The following LAPTM5 variants were observed in gnomAD, a reference collection of about 807,000 sequenced individuals.
LAPTM5 encodes lysosomal-associated transmembrane protein 5.
LAPTM5 carries 11 observed loss-of-function variants against 30.1 expected under a neutral mutation model. That is an observed-to-expected ratio of 0.37 (90% CI 0.23 to 0.60). The LOEUF is 0.60. Among genes scored for constraint, LAPTM5 ranks in the 20% least tolerant of loss-of-function variants. The pLI, the probability that LAPTM5 is intolerant of heterozygous loss-of-function variation, is 0.71. For missense variants in LAPTM5, 324 were observed against 332.5 expected (o/e 0.97, Z 0.20); for synonymous variants, 151 against 137.9 (o/e 1.10, Z -0.67).
intron 2 of LAPTM5, 136 bp from the exon 3 acceptor site, chr1:30,741,852 A>G: frequency 1.7e-6 from 1 of 574,558 alleles, no homozygotes; most frequent in Non-Finnish European, 3.1e-6. Context: ...GCCCTCTTGC[A>G]GTCCTGAGTC....
intron 1 of LAPTM5, among the ~76,000 whole-genome samples, 190 bp downstream of exon 1, chr1:30,757,469 G>C (rs1569881487): frequency 6.6e-6 from 1 of 152,268 alleles, no homozygotes; most frequent in East Asian, 1.9e-4. Context: ...CATCTCCCCA[G>C]GGTACCCCCA....
chr1:30,738,789 G>C, intron 5 of LAPTM5, 151 bp downstream of exon 5: 1 of 839,004 alleles, frequency 1.2e-6, no homozygotes, highest in East Asian at 3.0e-5. Context: ...TCCTGAGAGG[G>C]CTCCCTCAAT....
chr1:30,737,734 G>T, intron 5 of LAPTM5, 35 bp from the exon 6 acceptor site: 3 of 1,397,506 alleles, frequency 2.1e-6, no homozygotes, highest in Non-Finnish European at 3.0e-6. Flanking sequence ...CAATGTCTCT[G>T]GACATAAGGA....
intron 2 of LAPTM5, 46 bp from the exon 3 acceptor site, chr1:30,741,762 AC>A: frequency 6.8e-7 from 1 of 1,465,646 alleles, no homozygotes; most frequent in Non-Finnish European, 9.3e-7. Context: ...TGCCCCTGGG[AC>A]CCCAGCCAGG....
At chr1:30,756,169 C>T (rs765427872) in intron 1 of LAPTM5, among the ~76,000 whole-genome samples, 39 of 152,228 alleles carry the variant, frequency 2.6e-4, no homozygotes, top group Non-Finnish European at 4.7e-4. Flanking sequence ...GCCACACTGT[C>T]CTTCTAAGAA....
rs1639938665 is a variant in LAPTM5 at position 30,739,592 on chromosome 1, A to C, written c.387+217T>G. Among the ~76,000 whole-genome samples the C allele has an allele frequency of 6.6e-6, 1 of 152,230 alleles. No individual in the cohort carries two copies. The highest frequency in any genetic ancestry group is 2.4e-5 in the African/African-American group (1 of 41,462). ...TGTGTGTGTTCCTCATGTAACCCTC[A>C]TAAGGCAGGCTGATGAGATGTGATT... On this transcript the variant is annotated intron_variant, in intron 4 of 7. Transcript: ENST00000294507. The surrounding 1 kb of genome is among the most constrained non-coding windows in gnomAD (Gnocchi z 4.2).
At chr1:30,753,126 C>T (rs949864049) in intron 1 of LAPTM5, among the ~76,000 whole-genome samples, 33 of 151,604 alleles carry the variant, frequency 2.2e-4, no homozygotes, top group African/African-American at 7.5e-4. Flanking sequence ...ACTTGAGCCA[C>T]AAAGTAAAGT....
rs373172801 is a variant in LAPTM5, at chr1:30,757,694, G to T, written c.52C>A (p.Arg18Ser). The T allele has an allele frequency of 1.2e-6, 2 of 1,613,830 alleles. No homozygotes were observed. The highest frequency in any genetic ancestry group is 1.7e-6 in the Non-Finnish European group (2 of 1,180,022). The stretch of plus-strand genomic sequence containing the variant: ...ATGGCCAGGGCGGTGGTTGCGATGC[G>T]GACATTGAAGCAGCAGCAGGTCTGG... ...VRQTCCCFNV[R>S]IATTALAIYH... Residue 18 changes from arginine (R) to serine (S), a missense_variant, in exon 1 of 8, where the codon CGC (arginine) becomes AGC (serine). By Grantham distance (110) the Arg-to-Ser change is moderately radical (BLOSUM62 -1). Transcript: ENST00000294507.
intron 1 of LAPTM5, among the ~76,000 whole-genome samples, chr1:30,756,860 A>G (rs1640217683): frequency 6.6e-6 from 1 of 152,150 alleles, no homozygotes; most frequent in South Asian, 2.1e-4. Context: ...GTTTGGGAGT[A>G]GGGTGGGTCT....
chr1:30,743,248 G>T (rs1006338887), intron 1 of LAPTM5, among the ~76,000 whole-genome samples: 2 of 152,194 alleles, frequency 1.3e-5, no homozygotes, highest in African/African-American at 4.8e-5. Context: ...TAGGTTCCAG[G>T]CAGGGAAAGC....
intron 6 of LAPTM5, among the ~76,000 whole-genome samples, chr1:30,736,983 T>G (rs1639894058): frequency 6.6e-6 from 1 of 151,912 alleles, no homozygotes; most frequent in African/African-American, 2.4e-5. Flanking sequence ...CTTTGTTGGG[T>G]TTTGTGGGGG....
At position 30,757,227 on chromosome 1, in the gene LAPTM5, G is replaced by A. The variant is rs369821802; in HGVS notation, c.87+432C>T. On this transcript the variant is annotated intron_variant, in intron 1 of 7. Transcript: ENST00000294507. ...AGGCCCCAGGGGAAGAATCGGGGCT[G>A]TGTCTGCGGCCGACCTCACATCCCG... Among the ~76,000 whole-genome samples the A allele has an allele frequency of 3.9e-5, 6 of 152,362 alleles. No homozygotes were observed. In the South Asian group the frequency reaches 1.0e-3, roughly 26 times the overall value.
chr1:30,739,730 C>A lies in LAPTM5; in HGVS notation c.387+79G>T. 6.8e-7 allele frequency: 1 copy of A among 1,462,648 alleles called. No individual in the cohort carries two copies. Among genetic ancestry groups the A allele is most frequent in the Non-Finnish European group, 9.1e-7 (1 of 1,097,846 alleles). 90.6% of individuals were successfully genotyped at this position (1,462,648 alleles called of 1,614,324 possible). On this transcript the variant is annotated intron_variant, in intron 4 of 7. Transcript: ENST00000294507. This position sits in a 1 kb window ranked among gnomAD's most constrained non-coding sequence, Gnocchi z 4.2. ...TACCCTCCCCAGCCTGAGCACAGGG[C>A]CCGTGTCTGGTCCCCTCCCATCTCC...
In LAPTM5 at chr1:30,733,899, C is replaced by T. The variant is rs145384305; in HGVS notation, c.718G>A (p.Glu240Lys). Residue 240 changes from glutamate (E) to lysine (K), a missense_variant, in exon 8 of 8, where the codon GAG (glutamate) becomes AAG (lysine). By Grantham distance (56) the Glu-to-Lys change is moderately conservative. Coordinates refer to ENST00000294507, the MANE Select transcript of LAPTM5 (RefSeq NM_006762.3). ...TTCGATGGCAAAGACAGGGCTTCCT[C>T]GTAGGACGGCAGGACCACCTGGGAG... ...MLQKVVLPSY[E>K]EALSLPSKTP... 3.7e-4 allele frequency: 604 copies of T among 1,611,514 alleles called. No individual in the cohort carries two copies. Among genetic ancestry groups the T allele is most frequent in the Middle Eastern group, 5.0e-4 (3 of 6,048 alleles).
At chr1:30,742,173 G>A (rs561493018) in intron 2 of LAPTM5, 80 of 499,176 alleles carry the variant, frequency 1.6e-4, no homozygotes, top group Admixed American at 2.8e-4. Flanking sequence ...AGCCACTGAC[G>A]GCTTTAAGCA....
chr1:30,742,435 ACCGGCGTCC>A lies in LAPTM5; in HGVS notation c.181+12_181+20del. 2 of 1,591,402 alleles carry A rather than the reference ACCGGCGTCC, an allele frequency of 1.3e-6. No homozygotes were observed. The highest frequency in any genetic ancestry group is 1.7e-6 in the Non-Finnish European group (2 of 1,162,894). On this transcript the variant is annotated intron_variant, in intron 2 of 7. Coordinates refer to ENST00000294507, the MANE Select transcript of LAPTM5 (RefSeq NM_006762.3). ...CCTGTCCTCCTCCCCCCGCCACTCCACCGGCGTCCCCTGGACCTACCGATCCTGAGGTAG... is the reference window on the plus strand; with the variant it reads ...CCTGTCCTCCTCCCCCCGCCACTCCACCTGGACCTACCGATCCTGAGGTAG...
chr1:30,735,021 T>C, intron 7 of LAPTM5, 152 bp downstream of exon 7: 1 of 667,494 alleles, frequency 1.5e-6, no homozygotes, highest in South Asian at 1.7e-5. Flanking sequence ...GAATGAATCT[T>C]AGACTACCAG....
intron 7 of LAPTM5, among the ~76,000 whole-genome samples, 196 bp from the exon 8 acceptor site, chr1:30,734,113 G>C (rs182800279): frequency 2.0e-5 from 3 of 152,312 alleles, no homozygotes; most frequent in Middle Eastern, 6.8e-3. Flanking sequence ...GGACATATTT[G>C]CCTTTGCCTA....
At chr1:30,757,359 C>G (rs1027927396) in intron 1 of LAPTM5, among the ~76,000 whole-genome samples, 14 of 152,202 alleles carry the variant, frequency 9.2e-5, no homozygotes, top group African/African-American at 3.4e-4. Flanking sequence ...GCTGCTGTGC[C>G]CCATCTCACA....
Sources: allele counts gnomAD v4.1 joint callset (sites outside exome capture counted in the v4.1 genomes callset), GRCh38; gene constraint gnomAD v4.1.1; non-coding constraint Gnocchi (gnomAD v3.1); transcripts MANE v1.5; gene names NCBI Gene and HGNC (gene_info 2026-07-23, HGNC 2026-07-21).